PKD1L1: variants seen among roughly 807,000 people sequenced by gnomAD.
PKD1L1 encodes the protein polycystin-1-like protein 1.
A neutral mutation model predicts 323.4 loss-of-function variants in PKD1L1; 236 were observed. The observed-to-expected ratio is 0.73, with a 90% CI of 0.66 to 0.81. PKD1L1 has a LOEUF of 0.81. PKD1L1 is among the 40% of genes least tolerant of loss of function. PKD1L1 has a pLI of 0.00. For missense variants in PKD1L1, 3,320 were observed against 3,508.0 expected, an observed-to-expected ratio of 0.95 and a Z score of 1.35; for synonymous variants, 1,344 against 1,335.0, an observed-to-expected ratio of 1.01 and a Z score of -0.15.
rs1370320964 is a variant in PKD1L1, at chr7:47,846,902, A to C, written c.5130T>G (p.Thr1710=). ...KSERFSPQPG[T]SPEKVNCSYH... ...ACCTGCAGTTCACTTTTTCAGGAGA[A>C]GTCCCTGGTTGTGGAGAGAAACGTT... Residue 1710 remains threonine, a synonymous_variant, in exon 32 of 57, where the codon ACT becomes ACG. Coordinates refer to ENST00000289672, the MANE Select transcript of PKD1L1 (RefSeq NM_138295.5). 1.2e-6 allele frequency: 2 copies of C among 1,602,250 alleles called. No individual in the cohort carries two copies. The highest frequency in any genetic ancestry group is 1.4e-5 in the African/African-American group (1 of 74,002).
At chr7:47,899,792 T>G (rs1456135620) in intron 13 of PKD1L1, among the ~76,000 whole-genome samples, 1 of 151,888 alleles carries the variant, frequency 6.6e-6, no homozygotes, top group Admixed American at 6.6e-5. Context: ...CTGTTTTTAC[T>G]AAAAATACAA....
In PKD1L1 at chr7:47,867,357, A is replaced by G. The variant is rs1786189678; in HGVS notation, c.3897-743T>C. Among the ~76,000 whole-genome samples the G allele has an allele frequency of 2.6e-5, 4 of 152,204 alleles. No homozygotes were observed. In the South Asian group the frequency reaches 8.3e-4, roughly 32 times the overall value. On this transcript the variant is annotated intron_variant, in intron 24 of 56. Coordinates refer to ENST00000289672, the MANE Select transcript of PKD1L1 (RefSeq NM_138295.5). ...AAAGAACAAATAAATCTGAGCAGAA[A>G]CATCACTGGCTGCACAACGAGGGGA...
At position 47,940,188 on chromosome 7, in the gene PKD1L1, A is replaced by G. The variant is rs555908833; in HGVS notation, c.285+5T>C. 1 of 1,614,200 alleles carries G rather than the reference A, an allele frequency of 6.2e-7. No homozygotes were observed. Among genetic ancestry groups the G allele is most frequent in the South Asian group, 1.1e-5 (1 of 91,080 alleles). On this transcript the variant is annotated splice_donor_5th_base_variant and intron_variant, in intron 3 of 56. Transcript: ENST00000289672. ...AAAGCCTAATTTCCCCAGATCCAGG[A>G]ATACCTTCTGCCTGGAAGCTGATGA...
At position 47,841,169 on chromosome 7, in the gene PKD1L1, C is replaced by A. The variant is rs889876504; in HGVS notation, c.5446-602G>T. On this transcript the variant is annotated intron_variant, in intron 34 of 56. Transcript: ENST00000289672. The stretch of plus-strand genomic sequence containing the variant: ...CTAGTTTCTAAACTTTGTGTTTTCA[C>A]CTTTCTGTCTCTAATGTTCTGGAGT... Among the ~76,000 whole-genome samples, 3 of 152,144 alleles carry A rather than the reference C, an allele frequency of 2.0e-5. No individual in the cohort carries two copies. The South Asian group carries it at 6.2e-4, about 32-fold the overall frequency.
At chr7:47,943,145 CAA>C (rs142019299) in intron 2 of PKD1L1, among the ~76,000 whole-genome samples, 89 of 88,978 alleles carry the variant, frequency 1.0e-3, no homozygotes, top group East Asian at 2.6e-3. Context: ...GACTCCGTCT[CAA>C]AAAAAAAAAA....
Position 47,831,236 on chromosome 7 carries a change from T to C in PKD1L1, c.6454A>G (p.Thr2152Ala). The C allele has an allele frequency of 6.2e-7, 1 of 1,613,956 alleles. No individual in the cohort carries two copies. The change falls in exon 42 of 57, where the codon ACA becomes GCA. Residue 2152 changes from threonine (T) to alanine (A), a missense_variant. Physicochemically the swap from Thr to Ala is moderately conservative, Grantham distance 58. Coordinates refer to ENST00000289672, the MANE Select transcript of PKD1L1 (RefSeq NM_138295.5). ...GTASLACSLG[T>A]GFLAYRFGQE... ...GCTCACCTGTAGGCTAGAAATCCTGTCCCCAAACTGCAGGCCAAAGAAGCG... is the reference window on the plus strand; with the variant it reads ...GCTCACCTGTAGGCTAGAAATCCTGCCCCCAAACTGCAGGCCAAAGAAGCG...
At chr7:47,784,692 C>T (rs1406016490) in intron 56 of PKD1L1, among the ~76,000 whole-genome samples, 1 of 152,044 alleles carries the variant, frequency 6.6e-6, no homozygotes, top group Non-Finnish European at 1.5e-5. Context: ...AGGCTGGTCT[C>T]GAACTCCTTA....
intron 19 of PKD1L1, among the ~76,000 whole-genome samples, chr7:47,883,196 A>G (rs143400627): frequency 4.7e-4 from 71 of 152,354 alleles, no homozygotes; most frequent in African/African-American, 1.6e-3. Flanking sequence ...GTTTTGATAT[A>G]CTGAAGAACA....
At chr7:47,863,176 A>G (rs1786069690) in intron 26 of PKD1L1, among the ~76,000 whole-genome samples, 1 of 152,172 alleles carries the variant, frequency 6.6e-6, no homozygotes, top group Non-Finnish European at 1.5e-5. Context: ...GGGCTTTAAC[A>G]TGGGATTCTG....
Position 47,923,650 on chromosome 7 carries a change from A to AAAAT in PKD1L1, c.1060+5550_1060+5553dup, listed in dbSNP as rs150597782. 7.3e-5 allele frequency among the ~76,000 whole-genome samples: 11 copies of AAAAT among 151,666 alleles called. No homozygotes were observed. In the South Asian group the frequency reaches 8.3e-4, roughly 11 times the overall value. ...CAATAAATCTGTGCCTACTCTGGCA[A>AAAAT]AAATAAATAAATAAATAAATAATAA... On this transcript the variant is annotated intron_variant, in intron 7 of 56. Coordinates refer to ENST00000289672, the MANE Select transcript of PKD1L1 (RefSeq NM_138295.5).
At position 47,813,031 on chromosome 7, in the gene PKD1L1, C is replaced by A. The variant is rs1333062354; in HGVS notation, c.7346+90G>T. 12 of 1,491,784 alleles carry A rather than the reference C, an allele frequency of 8.0e-6. No individual in the cohort carries two copies. The East Asian group carries it at 2.5e-4, about 31-fold the overall frequency. 92.4% of individuals were successfully genotyped at this position (1,491,784 alleles called of 1,614,324 possible). ...CTCGCAGGCCTGTCAGGAGGCTGCA[C>A]CTGCTGCAGATGCGCTGCGTCCAGC... On this transcript the variant is annotated intron_variant, in intron 49 of 56. Transcript: ENST00000289672.
chr7:47,884,685 T>C, intron 18 of PKD1L1, 28 bp from the exon 19 acceptor site: 1 of 1,583,302 alleles, frequency 6.3e-7, no homozygotes, highest in Middle Eastern at 1.7e-4. Context: ...ATCATAATGT[T>C]TCCTTTAAAA....
At chr7:47,802,372 A>G (rs1285756274) in intron 53 of PKD1L1, among the ~76,000 whole-genome samples, 2 of 152,176 alleles carry the variant, frequency 1.3e-5, no homozygotes, top group Non-Finnish European at 2.9e-5. Context: ...TGCTCGCAAC[A>G]GTGAGCTGGA....
rs749468900 is a variant in PKD1L1 at position 47,827,460 on chromosome 7, A to G, written c.6744T>C (p.Ala2248=). The change falls in exon 45 of 57, where the codon GCT becomes GCC. Residue 2248 remains alanine, a synonymous_variant. Transcript: ENST00000289672. ...DCAGEVEKVL[A]ARQQARHLRW... Reference sequence around the variant, plus strand: ...GCAGGTGGCGAGCTTGTTGTCGGGCAGCCAAGACCTGTCAGGGACAAGAGT... The same window carrying G: ...GCAGGTGGCGAGCTTGTTGTCGGGCGGCCAAGACCTGTCAGGGACAAGAGT... 6.2e-7 allele frequency: 1 copy of G among 1,608,150 alleles called. No individual in the cohort carries two copies. Among genetic ancestry groups the G allele is most frequent in the Admixed American group, 1.7e-5 (1 of 59,824 alleles).
chr7:47,838,515 GC>G (rs1417885256), intron 36 of PKD1L1, among the ~76,000 whole-genome samples: 2 of 150,594 alleles, frequency 1.3e-5, no homozygotes, highest in African/African-American at 5.0e-5. Context: ...TGCACAGTGG[GC>G]CACTATATAG....
chr7:47,845,563 C>T (rs927195983), intron 32 of PKD1L1, among the ~76,000 whole-genome samples: 3 of 152,116 alleles, frequency 2.0e-5, no homozygotes, highest in Admixed American at 6.5e-5. Context: ...TGAGCAGGTC[C>T]TAGGTGTTAT....
At chr7:47,825,013 A>G (rs1253602087) in intron 45 of PKD1L1, among the ~76,000 whole-genome samples, 2 of 152,194 alleles carry the variant, frequency 1.3e-5, no homozygotes, top group South Asian at 2.1e-4. Context: ...AGAGACTTCA[A>G]ATTTCCCCCA....
At position 47,798,996 on chromosome 7, in the gene PKD1L1, T is replaced by C. The variant is rs529699128; in HGVS notation, c.8193+1653A>G. On this transcript the variant is annotated intron_variant, in intron 54 of 56. Transcript: ENST00000289672. ...AGATTTACAAATCACATATCCAATT[T>C]AAAAACTGTATTCAAAATATAAAAA... Among the ~76,000 whole-genome samples the C allele has an allele frequency of 9.2e-5, 14 of 152,332 alleles. No homozygotes were observed. The East Asian group carries it at 2.3e-3, about 25-fold the overall frequency.
Position 47,840,550 on chromosome 7 carries a change from A to G in PKD1L1, c.5463T>C (p.Cys1821=), listed in dbSNP as rs938195015. The part of the protein sequence containing the change: ...RLTSKVYIVL[C]GDNGLSETKE... ...TGGTTTCTGACAGTCCATTGTCGCC[A>G]CATAAAACAATGTACACCTCAAAAC... Residue 1821 remains cysteine (C), a synonymous_variant, in exon 35 of 57, where the codon TGT becomes TGC. Transcript: ENST00000289672. The surrounding 1 kb of genome is among the most constrained non-coding windows in gnomAD (Gnocchi z 4.1). The G allele has an allele frequency of 9.3e-6, 15 of 1,613,862 alleles. No individual in the cohort carries two copies. In the Admixed American group the frequency reaches 1.5e-4, roughly 16 times the overall value.
Sources: allele counts gnomAD v4.1 joint callset (sites outside exome capture counted in the v4.1 genomes callset), GRCh38; gene constraint gnomAD v4.1.1; non-coding constraint Gnocchi (gnomAD v3.1); transcripts MANE v1.5; gene names NCBI Gene and HGNC (gene_info 2026-07-23, HGNC 2026-07-21).